Variants in UNC79 observed in about 807,000 individuals in gnomAD.
UNC79 encodes the protein unc-79 subunit of NALCN channel complex.
In UNC79, 37 loss-of-function variants were observed where a neutral mutation model predicts 283.1. That is an observed-to-expected ratio of 0.13 (90% CI 0.10 to 0.17). The LOEUF (loss-of-function observed/expected upper bound fraction) is 0.17, where lower values mean the gene tolerates loss of function less well. UNC79 is among the 10% of genes least tolerant of loss of function. The probability of loss-of-function intolerance (pLI) is 1.00; values close to 1 mark genes in which losing one functional copy is unlikely to be tolerated. For missense variants in UNC79, 2,272 were observed against 3,211.1 expected, an observed-to-expected ratio of 0.71 and a Z score of 7.07; for synonymous variants, 1,107 against 1,200.2, an observed-to-expected ratio of 0.92 and a Z score of 1.61.
chr14:93,333,204 G>A (rs1189683824), upstream of UNC79: 27 of 391,730 alleles, frequency 6.9e-5, no homozygotes, highest in Non-Finnish European at 4.9e-5. Flanking sequence ...CATGGGAGCG[G>A]AGTGCGCGCG....
intron 1 of UNC79, among the ~76,000 whole-genome samples, chr14:93,361,218 A>C (rs1242864590): frequency 1.5e-5 from 2 of 130,842 alleles, no homozygotes; most frequent in Admixed American, 7.7e-5. Context: ...TCTCAAAAAA[A>C]AAAAAAAAAA....
In UNC79 at chr14:93,475,512, G is replaced by T. The variant is rs543460468; in HGVS notation, c.448+1119G>T. 5.3e-5 allele frequency among the ~76,000 whole-genome samples: 8 copies of T among 152,320 alleles called. No individual in the cohort carries two copies. In the South Asian group the frequency reaches 1.7e-3, roughly 32 times the overall value. Reference sequence around the variant, plus strand: ...ATTCTGTGTTATGGTGAATGTAAAAGGTATAGAAATTCGTAAAGTTGCTTT... The same window carrying T: ...ATTCTGTGTTATGGTGAATGTAAAATGTATAGAAATTCGTAAAGTTGCTTT... On this transcript the variant is annotated intron_variant, in intron 3 of 48. Coordinates refer to ENST00000555664, the Ensembl canonical transcript of UNC79.
At chr14:93,706,649 C>G (rs1222533907) in intron 48 of UNC79, 55 bp from the exon 52 acceptor site, 1 of 1,604,812 alleles carries the variant, frequency 6.2e-7, no homozygotes, top group African/African-American at 1.3e-5. Context: ...GGTCGACACT[C>G]CCTGGGTTGC....
intron 1 of UNC79, chr14:93,466,856 G>A (rs1312434174): frequency 1.0e-6 from 1 of 985,270 alleles, no homozygotes; most frequent in African/African-American, 1.7e-5. Flanking sequence ...CTACAGCCAG[G>A]TCAAAGGTCA....
At chr14:93,650,226 T>C (rs1243309781) in intron 35 of UNC79, among the ~76,000 whole-genome samples, 1 of 152,146 alleles carries the variant, frequency 6.6e-6, no homozygotes, top group African/African-American at 2.4e-5. Context: ...GACTTCTAGG[T>C]TTTTTCAGTT....
intron 22 of UNC79, among the ~76,000 whole-genome samples, chr14:93,587,426 T>C (rs2141859504): frequency 6.6e-6 from 1 of 152,340 alleles, no homozygotes; most frequent in African/African-American, 2.4e-5. Context: ...GCAATCTTCC[T>C]GGAAATAAAT....
chr14:93,620,285 G>A (rs765102117), intron 29 of UNC79, among the ~76,000 whole-genome samples: 2 of 152,034 alleles, frequency 1.3e-5, no homozygotes, highest in East Asian at 1.9e-4. Context: ...ATAATCATTC[G>A]TGGAGCTTTT....
chr14:93,496,889 C>T (rs1317923518), intron 6 of UNC79, among the ~76,000 whole-genome samples: 1 of 152,172 alleles, frequency 6.6e-6, no homozygotes, highest in African/African-American at 2.4e-5. Flanking sequence ...TAGCATCAAT[C>T]TGATTAGAGA....
At chr14:93,384,139 G>C (rs1304972901) in intron 1 of UNC79, among the ~76,000 whole-genome samples, 2 of 152,208 alleles carry the variant, frequency 1.3e-5, no homozygotes, top group African/African-American at 4.8e-5. Flanking sequence ...TGGATCTTAT[G>C]AATAGTGCTG....
At chr14:93,697,811 C>T (rs1020173129) in intron 47 of UNC79, among the ~76,000 whole-genome samples, 3 of 152,116 alleles carry the variant, frequency 2.0e-5, no homozygotes, top group African/African-American at 7.2e-5. Context: ...GTAGTTCTAG[C>T]TACTTGGGAG....
chr14:93,671,018 C>G (rs1031904156), intron 40 of UNC79, among the ~76,000 whole-genome samples: 5 of 152,162 alleles, frequency 3.3e-5, no homozygotes, highest in African/African-American at 1.2e-4. Flanking sequence ...AAAAGTCTTA[C>G]AAAATTGAAA....
At chr14:93,369,741 G>C (rs990175675) in intron 1 of UNC79, among the ~76,000 whole-genome samples, 2 of 152,162 alleles carry the variant, frequency 1.3e-5, no homozygotes, top group African/African-American at 2.4e-5. Flanking sequence ...TTGTGTTTCT[G>C]GCAGGCAGAG....
chr14:93,630,998 T>C, intron 31 of UNC79, 90 bp downstream of exon 33: 1 of 1,177,738 alleles, frequency 8.5e-7, no homozygotes, highest in South Asian at 1.3e-5. Context: ...ATCTTGGTAT[T>C]GTATATATAT....
At chr14:93,350,047 C>G (rs1477348309) in intron 1 of UNC79, among the ~76,000 whole-genome samples, 1 of 152,084 alleles carries the variant, frequency 6.6e-6, no homozygotes. Context: ...TGGGTCATTT[C>G]TAACTAAGAA....
chr14:93,620,400 G>A (rs1472292584), intron 29 of UNC79, among the ~76,000 whole-genome samples: 1 of 152,114 alleles, frequency 6.6e-6, no homozygotes, highest in Non-Finnish European at 1.5e-5. Flanking sequence ...TGCATGTACT[G>A]TTAGGCTGTG....
chr14:93,514,134 G>A (rs2059951508), intron 7 of UNC79, among the ~76,000 whole-genome samples: 1 of 151,920 alleles, frequency 6.6e-6, no homozygotes, highest in Non-Finnish European at 1.5e-5. Context: ...AAAACATAGA[G>A]AAAAATCAAC....
At chr14:93,534,528 T>G (rs1198792593) in intron 11 of UNC79, among the ~76,000 whole-genome samples, 1 of 152,206 alleles carries the variant, frequency 6.6e-6, no homozygotes, top group Non-Finnish European at 1.5e-5. Flanking sequence ...TCCTATATTT[T>G]GGGCGTTTCA....
At position 93,617,299 on chromosome 14, in the gene UNC79, T is replaced by C. The variant is rs751952043; in HGVS notation, c.4219T>C (p.Tyr1407His). ...GTTGAAGGCCTTGCTTGTCATCCTT[T>C]ACAAGGTGAGCTGGGTGGTCACTGC... Residue 1407 changes from tyrosine (Y) to histidine (H), a missense_variant, in exon 28 of 49, where the codon TAC (tyrosine) becomes CAC (histidine). Tyr to His is a moderately conservative substitution (Grantham distance 83). Transcript: ENST00000555664. This position sits in a 1 kb window ranked among gnomAD's most constrained non-coding sequence, Gnocchi z 4.5. 1 of 1,614,018 alleles carries C rather than the reference T, an allele frequency of 6.2e-7. No individual in the cohort carries two copies. The highest frequency in any genetic ancestry group is 8.5e-7 in the Non-Finnish European group (1 of 1,179,932).
intron 1 of UNC79, among the ~76,000 whole-genome samples, chr14:93,419,890 C>T (rs1243861121): frequency 4.6e-5 from 7 of 151,162 alleles, no homozygotes; most frequent in African/African-American, 1.7e-4. Flanking sequence ...ATAGTGAGAC[C>T]CTGTCTTTAT....
Sources: gnomAD v4.1 joint callset for allele counts (sites outside exome capture counted in the v4.1 genomes callset) on GRCh38, gnomAD v4.1.1 for gene constraint, Gnocchi (gnomAD v3.1) non-coding constraint, MANE v1.5 for transcripts, NCBI Gene and HGNC (gene_info 2026-07-23, HGNC 2026-07-21) for gene names.